The following NOL4L variants were observed in gnomAD, a reference collection of about 807,000 sequenced individuals.
NOL4L encodes nucleolar protein 4-like.
In NOL4L, 7 loss-of-function variants were observed where a neutral mutation model predicts 64.5. The observed-to-expected ratio is 0.11, with a 90% CI of 0.06 to 0.20. The LOEUF (loss-of-function observed/expected upper bound fraction) is 0.20. Among genes scored for constraint, NOL4L ranks in the 10% least tolerant of loss-of-function variants. The probability of loss-of-function intolerance (pLI) is 1.00; values close to 1 mark genes in which losing one functional copy is unlikely to be tolerated. For synonymous variants in NOL4L, 413 were observed against 401.0 expected, an observed-to-expected ratio of 1.03 and a Z score of -0.36; for missense variants, 680 against 967.1, an observed-to-expected ratio of 0.70 and a Z score of 3.94.
chr20:32,512,437 A>G (rs988337425), intron 3 of NOL4L, among the ~76,000 whole-genome samples: 7 of 152,016 alleles, frequency 4.6e-5, no homozygotes, highest in Non-Finnish European at 7.4e-5. Flanking sequence ...GTAGCCCCCA[A>G]ATTCTGGTTC....
At chr20:32,498,372 A>T (rs1306966030) in intron 4 of NOL4L, among the ~76,000 whole-genome samples, 3 of 152,114 alleles carry the variant, frequency 2.0e-5, no homozygotes, top group Non-Finnish European at 1.5e-5. Context: ...AATGTCCCAT[A>T]ACAAAAGATG....
intron 4 of NOL4L, among the ~76,000 whole-genome samples, chr20:32,493,744 G>T (rs564156941): frequency 2.0e-5 from 3 of 152,242 alleles, no homozygotes; most frequent in Non-Finnish European, 4.4e-5. Flanking sequence ...ATGCTCCAAG[G>T]CCCGGTCCAG....
intron 1 of NOL4L, chr20:32,536,330 C>T (rs994079279): frequency 1.0e-6 from 1 of 985,078 alleles, no homozygotes; most frequent in African/African-American, 1.7e-5. Flanking sequence ...CCTGGGCGCG[C>T]TAACGAGCGG....
At chr20:32,449,180 T>C (rs2012616697) in intron 10 of NOL4L, among the ~76,000 whole-genome samples, 1 of 152,236 alleles carries the variant, frequency 6.6e-6, no homozygotes, top group Non-Finnish European at 1.5e-5. Context: ...GCCGCTTCCC[T>C]GGGAAGCCTT....
At chr20:32,488,774 C>CCTTT (rs1568647468) in intron 4 of NOL4L, among the ~76,000 whole-genome samples, 56 of 52,158 alleles carry the variant, frequency 1.1e-3, no homozygotes, top group Non-Finnish European at 1.2e-3. Context: ...TTCCTTCCTT[C>CCTTT]CTTCCTTCCT....
chr20:32,578,090 G>A (rs1047093887), intron 1 of NOL4L, among the ~76,000 whole-genome samples: 3 of 118,918 alleles, frequency 2.5e-5, no homozygotes, highest in East Asian at 3.1e-4. Flanking sequence ...CCAATATTGC[G>A]TCAAAAAAGA....
chr20:32,545,047 G>C (rs1054478040), intron 1 of NOL4L, among the ~76,000 whole-genome samples: 1 of 152,200 alleles, frequency 6.6e-6, no homozygotes, highest in Non-Finnish European at 1.5e-5. Flanking sequence ...CTCAGGCCAA[G>C]TGGGGTCTAT....
At chr20:32,544,728 G>A (rs1302413457) in intron 1 of NOL4L, among the ~76,000 whole-genome samples, 1 of 152,098 alleles carries the variant, frequency 6.6e-6, no homozygotes, top group Admixed American at 6.5e-5. Context: ...CCAGCCCCAG[G>A]TCACACGGCT....
At chr20:32,485,656 T>C in intron 4 of NOL4L, 1 of 433,492 alleles carries the variant, frequency 2.3e-6, no homozygotes, top group Non-Finnish European at 4.9e-6. Context: ...GCTTTATTTA[T>C]CCACACATGC....
intron 5 of NOL4L, among the ~76,000 whole-genome samples, chr20:32,458,805 C>T (rs2013786338): frequency 6.6e-6 from 1 of 152,244 alleles, no homozygotes; most frequent in South Asian, 2.1e-4. Context: ...TGCAGTGCCA[C>T]ACCCTACATA....
At chr20:32,472,883 C>G (rs2015119941) in intron 5 of NOL4L, among the ~76,000 whole-genome samples, 1 of 152,130 alleles carries the variant, frequency 6.6e-6, no homozygotes, top group Non-Finnish European at 1.5e-5. Flanking sequence ...CTACCCCAGG[C>G]TGACCCCGCA....
At chr20:32,459,154 G>A (rs938497852) in intron 5 of NOL4L, among the ~76,000 whole-genome samples, 6 of 152,200 alleles carry the variant, frequency 3.9e-5, no homozygotes, top group Admixed American at 3.9e-4. Flanking sequence ...GACCTCGTAT[G>A]GCCAAGTGTT....
chr20:32,509,848 T>C (rs2017314062), intron 4 of NOL4L: 1 of 1,304,276 alleles, frequency 7.7e-7, no homozygotes, highest in Non-Finnish European at 1.0e-6. Context: ...CTTCCGGCTG[T>C]TTGTGCGGTT....
chr20:32,572,115 G>A (rs1979778440), intron 1 of NOL4L, among the ~76,000 whole-genome samples: 1 of 152,224 alleles, frequency 6.6e-6, no homozygotes, highest in South Asian at 2.1e-4. Context: ...GCTGTCAGAA[G>A]GATGGCGATT....
intron 4 of NOL4L, among the ~76,000 whole-genome samples, chr20:32,481,320 C>T (rs1397849579): frequency 6.6e-6 from 1 of 152,202 alleles, no homozygotes; most frequent in Non-Finnish European, 1.5e-5. Context: ...AAAAGTGAAG[C>T]TGGAGAGAGG....
chr20:32,514,869 T>C (rs1315370583), intron 3 of NOL4L, among the ~76,000 whole-genome samples: 1 of 151,982 alleles, frequency 6.6e-6, no homozygotes, highest in Non-Finnish European at 1.5e-5. Context: ...GGTGAGAAGC[T>C]GTTAAGCACC....
intron 1 of NOL4L, among the ~76,000 whole-genome samples, chr20:32,554,446 C>T (rs1239969706): frequency 6.6e-6 from 1 of 151,934 alleles, no homozygotes; most frequent in African/African-American, 2.4e-5. Context: ...GGCAGAGAGA[C>T]CCAGCAAACA....
chr20:32,508,768 G>C (rs1206793322), intron 4 of NOL4L, among the ~76,000 whole-genome samples: 2 of 152,182 alleles, frequency 1.3e-5, no homozygotes, highest in African/African-American at 4.8e-5. Flanking sequence ...TTCTTCCTTT[G>C]GGAGCTACCA....
At chr20:32,559,139 G>A (rs1403478550) in intron 1 of NOL4L, among the ~76,000 whole-genome samples, 3 of 152,128 alleles carry the variant, frequency 2.0e-5, no homozygotes, top group South Asian at 4.1e-4. Context: ...CATCCCCCAC[G>A]GGACTACCCT....
Sources: allele counts gnomAD v4.1 joint callset (sites outside exome capture counted in the v4.1 genomes callset), GRCh38; gene constraint gnomAD v4.1.1; transcripts MANE v1.5; gene names NCBI Gene and HGNC (gene_info 2026-07-23, HGNC 2026-07-21).